The following TREH variants were observed in gnomAD, a reference collection of about 807,000 sequenced individuals.
TREH encodes the protein alpha,alpha-trehalose glucohydrolase.
A neutral mutation model predicts 80.5 loss-of-function variants in TREH; 69 were observed. That is an observed-to-expected ratio of 0.86 (90% confidence interval 0.71 to 1.05). TREH has a LOEUF of 1.05. Among genes scored for constraint, TREH ranks in the 50% least tolerant of loss-of-function variants. TREH has a pLI of 0.00. For missense variants in TREH, 716 were observed against 718.8 expected (o/e 1.00, Z 0.04); for synonymous variants, 309 against 293.5 (o/e 1.05, Z -0.54).
At chr11:118,660,099 G>A in intron 10 of TREH, 135 bp from the exon 11 acceptor site, 1 of 841,778 alleles carries the variant, frequency 1.2e-6, no homozygotes, top group Non-Finnish European at 1.8e-6. Context: ...CCAAGGGGAT[G>A]TGCCGATCTG....
chr11:118,672,473 G>A (rs558881319), intron 1 of TREH, among the ~76,000 whole-genome samples: 24 of 152,042 alleles, frequency 1.6e-4, no homozygotes, highest in Admixed American at 1.4e-3. Context: ...ACTTTGGGAG[G>A]CTGAGGCAGG....
At position 118,659,441 on chromosome 11, in the gene TREH, G is replaced by C. The variant is rs782070070; in HGVS notation, c.1361C>G (p.Ser454Cys). 5.0e-6 allele frequency: 8 copies of C among 1,607,324 alleles called. No homozygotes were observed. In the African/African-American group the frequency reaches 8.0e-5, roughly 16 times the overall value. Residue 454 changes from serine to cysteine, a missense_variant, in exon 12 of 15, where the codon TCT becomes TGT. Physicochemically the swap from Ser to Cys is moderately radical, Grantham distance 112. Transcript: ENST00000264029. The stretch of plus-strand genomic sequence containing the variant: ...CCACTGCTGGCCTGTCTTCTGGAGA[G>C]AGGTCGGGATCCCATACTGGTAAGT... ...ILTYQYGIPTSLQKTGQQWDF... is the reference protein window; with the variant it reads ...ILTYQYGIPTCLQKTGQQWDF...
intron 11 of TREH, 92 bp from the exon 12 acceptor site, chr11:118,659,573 C>T: frequency 7.4e-7 from 1 of 1,353,828 alleles, no homozygotes; most frequent in African/African-American, 1.5e-5. Flanking sequence ...CAGACGTCCC[C>T]TTCCTGGCTC....
In TREH at chr11:118,661,619, G is replaced by C; in HGVS notation, c.617+18C>G. 1.2e-6 allele frequency: 2 copies of C among 1,613,868 alleles called. No individual in the cohort carries two copies. Among genetic ancestry groups the C allele is most frequent in the Non-Finnish European group, 1.7e-6 (2 of 1,179,862 alleles). On this transcript the variant is annotated intron_variant, in intron 6 of 14. Transcript: ENST00000264029. This position sits in a 1 kb window ranked among gnomAD's most constrained non-coding sequence, Gnocchi z 4.2. Reference sequence around the variant, plus strand: ...CCTCTCCTCCCCACCTAGGCTGGAGGTGCCTGGCCCCCCTCACGTTTTCAC... The same window carrying C: ...CCTCTCCTCCCCACCTAGGCTGGAGCTGCCTGGCCCCCCTCACGTTTTCAC...
At chr11:118,669,316 C>T (rs1348382835) in intron 1 of TREH, among the ~76,000 whole-genome samples, 1 of 152,144 alleles carries the variant, frequency 6.6e-6, no homozygotes, top group Non-Finnish European at 1.5e-5. Flanking sequence ...AATAGAGCTA[C>T]CATATGATCC....
At chr11:118,676,068 A>C (rs1949476007) in intron 1 of TREH, among the ~76,000 whole-genome samples, 1 of 152,208 alleles carries the variant, frequency 6.6e-6, no homozygotes, top group Non-Finnish European at 1.5e-5. Context: ...TGATTGATTG[A>C]ATCATTGATC....
intron 12 of TREH, 50 bp downstream of exon 12, chr11:118,659,320 C>G: frequency 6.9e-7 from 1 of 1,447,812 alleles, no homozygotes; most frequent in Non-Finnish European, 9.2e-7. Context: ...GGGAGGCCCA[C>G]CTCTACACCC....
In TREH at chr11:118,661,297, A is replaced by T; in HGVS notation, c.735-15T>A. The T allele has an allele frequency of 1.2e-6, 2 of 1,613,980 alleles. No individual in the cohort carries two copies. Among genetic ancestry groups the T allele is most frequent in the Non-Finnish European group, 1.7e-6 (2 of 1,179,878 alleles). Reference sequence around the variant, plus strand: ...CAATGTTTTCCCTGGAGTGAAGCAGACAACACCTCAGCCCAGGCGTGCTGC... The same window carrying T: ...CAATGTTTTCCCTGGAGTGAAGCAGTCAACACCTCAGCCCAGGCGTGCTGC... On this transcript the variant is annotated splice_polypyrimidine_tract_variant and intron_variant, in intron 7 of 14. Coordinates refer to ENST00000264029, the MANE Select transcript of TREH (RefSeq NM_007180.3). The surrounding 1 kb of genome is among the most constrained non-coding windows in gnomAD (Gnocchi z 4.2).
At chr11:118,670,797 T>C (rs925480443) in intron 1 of TREH, among the ~76,000 whole-genome samples, 1 of 152,180 alleles carries the variant, frequency 6.6e-6, no homozygotes, top group Admixed American at 6.5e-5. Flanking sequence ...TGGCAAAATA[T>C]GGCTTTACCC....
In TREH at chr11:118,679,462, C is replaced by T. The variant is rs1949512580; in HGVS notation, c.89+77G>A. The T allele has an allele frequency of 1.5e-5, 21 of 1,373,680 alleles. No homozygotes were observed. In the South Asian group the frequency reaches 2.1e-4, roughly 14 times the overall value. 85.1% of individuals were successfully genotyped at this position (1,373,680 alleles called of 1,614,324 possible). On this transcript the variant is annotated intron_variant, in intron 1 of 14. Transcript: ENST00000264029. ...ATCTCTTCCTTTCCCTCTGAAGTAC[C>T]GACCCCAGAGCTTGAGATCTCATCC...
intron 1 of TREH, among the ~76,000 whole-genome samples, chr11:118,668,561 C>CAA (rs35085066): frequency 0.036 from 1,740 of 47,760 alleles, 550 homozygotes; most frequent in African/African-American, 0.05. Flanking sequence ...GACTCTGTCT[C>CAA]AAAAAAAAAA....
At position 118,658,304 on chromosome 11, in the gene TREH, G is replaced by T. The variant is rs1555143682; in HGVS notation, c.1737C>A (p.Ser579Arg). Reference sequence around the variant, plus strand: ...AGGAGGGCTGTCACCATGGCAGGAGGCTGAGCAGGAGGCTGGGCAGAAGGG... The same window carrying T: ...AGGAGGGCTGTCACCATGGCAGGAGTCTGAGCAGGAGGCTGGGCAGAAGGG... ...AATLLPSLLL[S>R]LLPW The change falls in exon 15 of 15, where the codon AGC (serine) becomes AGA (arginine). Residue 579 changes from serine (S) to arginine (R), a missense_variant. Coordinates refer to ENST00000264029, the MANE Select transcript of TREH (RefSeq NM_007180.3). The T allele has an allele frequency of 1.3e-6, 2 of 1,587,432 alleles. No homozygotes were observed. The highest frequency in any genetic ancestry group is 1.7e-6 in the Non-Finnish European group (2 of 1,167,830).
At chr11:118,676,405 T>G (rs115195133) in intron 1 of TREH, among the ~76,000 whole-genome samples, 1 of 151,970 alleles carries the variant, frequency 6.6e-6, no homozygotes, top group Non-Finnish European at 1.5e-5. Context: ...CCCAGAGAGA[T>G]TGAGGCTGCA....
intron 1 of TREH, among the ~76,000 whole-genome samples, chr11:118,669,139 A>G (rs1949408198): frequency 6.6e-6 from 1 of 152,230 alleles, no homozygotes; most frequent in Non-Finnish European, 1.5e-5. Flanking sequence ...CAAAACTACA[A>G]TGAGATAGCA....
intron 1 of TREH, among the ~76,000 whole-genome samples, chr11:118,672,572 G>T (rs927939277): frequency 2.0e-5 from 3 of 151,660 alleles, no homozygotes; most frequent in African/African-American, 7.3e-5. Context: ...TTAGCTGGGC[G>T]TGGTGGTGCA....
chr11:118,671,452 TAGTG>T (rs759797701), intron 1 of TREH, among the ~76,000 whole-genome samples: 10 of 151,868 alleles, frequency 6.6e-5, no homozygotes, highest in African/African-American at 1.4e-4. Context: ...AAGAAAGAAT[TAGTG>T]AGCTTGAAGA....
intron 1 of TREH, among the ~76,000 whole-genome samples, chr11:118,672,792 C>T (rs1350820203): frequency 6.7e-6 from 1 of 149,386 alleles, no homozygotes; most frequent in Non-Finnish European, 1.5e-5. Context: ...AGAAAAAACA[C>T]AGAATATAAT....
In TREH at chr11:118,661,320, T is replaced by C; in HGVS notation, c.735-38A>G. ...AGACAACACCTCAGCCCAGGCGTGC[T>C]GCCCATCCCCAGCCCTGAGAGGTCT... On this transcript the variant is annotated intron_variant, in intron 7 of 14. Coordinates refer to ENST00000264029, the MANE Select transcript of TREH (RefSeq NM_007180.3). The surrounding 1 kb of genome is among the most constrained non-coding windows in gnomAD (Gnocchi z 4.2). 6.2e-7 allele frequency: 1 copy of C among 1,613,920 alleles called. No homozygotes were observed. The highest frequency in any genetic ancestry group is 8.5e-7 in the Non-Finnish European group (1 of 1,179,814).
At position 118,661,491 on chromosome 11, in the gene TREH, A is replaced by T; in HGVS notation, c.636T>A (p.Asn212Lys). 6.2e-7 allele frequency: 1 copy of T among 1,613,594 alleles called. No homozygotes were observed. The highest frequency in any genetic ancestry group is 8.5e-7 in the Non-Finnish European group (1 of 1,179,744). The part of the protein sequence containing the change: ...DLVKTYGHVP[N>K]GGRVYYLQRS... ...GCTGCAGGTAGTACACGCGCCCACC[A>T]TTGGGGACATGCCCATAGCTGCCAA... The change falls in exon 7 of 15, where the codon AAT becomes AAA. Residue 212 changes from asparagine to lysine, a missense_variant. Physicochemically the swap from Asn to Lys is moderately conservative, Grantham distance 94 (BLOSUM62 0). Coordinates refer to ENST00000264029, the MANE Select transcript of TREH (RefSeq NM_007180.3). The surrounding 1 kb of genome is among the most constrained non-coding windows in gnomAD (Gnocchi z 4.2).
Sources: gnomAD v4.1 joint callset for allele counts (sites outside exome capture counted in the v4.1 genomes callset) on GRCh38, gnomAD v4.1.1 for gene constraint, Gnocchi (gnomAD v3.1) non-coding constraint, MANE v1.5 for transcripts, NCBI Gene and HGNC (gene_info 2026-07-23, HGNC 2026-07-21) for gene names.